Variants in TLNRD1 observed in about 807,000 individuals in gnomAD.
TLNRD1 encodes talin rod domain-containing protein 1.
In TLNRD1, 14 loss-of-function variants were observed where a neutral mutation model predicts 19.5. The ratio of observed to expected loss-of-function variants is 0.72; its 90% CI spans 0.47 to 1.12. TLNRD1 has a LOEUF of 1.12. Among genes scored for constraint, TLNRD1 ranks in the 50% most tolerant of loss-of-function variants. TLNRD1 has a pLI of 0.00. For synonymous variants in TLNRD1, 345 were observed against 261.7 expected (o/e 1.32, Z -3.07); for missense variants, 569 against 531.9 (o/e 1.07, Z -0.69).
At position 81,002,527 on chromosome 15, in the gene TLNRD1, A is replaced by G. The variant is rs759882211; in HGVS notation, c.256A>G (p.Thr86Ala). The G allele has an allele frequency of 2.0e-6, 3 of 1,465,114 alleles. No homozygotes were observed. The highest frequency in any genetic ancestry group is 2.7e-6 in the Non-Finnish European group (3 of 1,112,522). The allele number at this position is 1,465,114 out of a possible 1,614,324, so 90.8% of individuals were successfully genotyped here. ...GTGCCGGGACACCATCATCGCGCGC[A>G]CCAAGGGGCTCTCCATCCTCACCCA... is the stretch of plus-strand genomic sequence containing the variant. ...EQCRDTIIAR[T>A]KGLSILTHDV... Residue 86 changes from threonine (T) to alanine (A), a missense_variant, in exon 1 of 1, where the codon ACC (threonine) becomes GCC (alanine). Coordinates refer to ENST00000267984, the MANE Select transcript of TLNRD1 (RefSeq NM_022566.3).
In TLNRD1 at chr15:81,003,278, GCTGCACC is replaced by G. The variant is rs1355974971; in HGVS notation, c.1012_1018del (p.Thr338TyrfsTer5). ...AACTCGGCCTGCGCCGTGTCTGAAG[GCTGCACC>G]CTGCTATCTCAGGCTTTAAGGGAGA... On this transcript the variant is annotated frameshift_variant, in exon 1 of 1. Coordinates refer to ENST00000267984, the MANE Select transcript of TLNRD1 (RefSeq NM_022566.3). LOFTEE classifies it high-confidence loss of function. 1 of 1,611,272 alleles carries G rather than the reference GCTGCACC, an allele frequency of 6.2e-7. No homozygotes were observed. Among genetic ancestry groups the G allele is most frequent in the South Asian group, 1.1e-5 (1 of 90,404 alleles).
At position 81,002,014 on chromosome 15, in the gene TLNRD1, G is replaced by C; in HGVS notation, c.-258G>C. On this transcript the variant is annotated 5_prime_UTR_variant, in exon 1 of 1. Transcript: ENST00000267984. ...ATGGTTCCTGCAAGCCCTCTAGGAG[G>C]CCGAAAGCTGCAGCCCCTCCCCTTG... is the stretch of plus-strand genomic sequence containing the variant. 3.6e-6 allele frequency: 1 copy of C among 277,372 alleles called. No homozygotes were observed. Among genetic ancestry groups the C allele is most frequent in the Non-Finnish European group, 6.7e-6 (1 of 149,880 alleles). 17.2% of individuals were successfully genotyped at this position (277,372 alleles called of 1,614,324 possible).
Position 81,002,950 on chromosome 15 carries a change from G to T in TLNRD1, c.679G>T (p.Ala227Ser). Residue 227 changes from alanine (A) to serine (S), a missense_variant, in exon 1 of 1, where the codon GCG becomes TCG. Transcript: ENST00000267984. ...GVKCMSTSAS[A>S]LLACVREVKV... ...CAAGTGCATGAGCACCAGCGCGTCG[G>T]CGCTGCTGGCCTGCGTGCGCGAGGT... 2 of 1,593,106 alleles carry T rather than the reference G, an allele frequency of 1.3e-6. No homozygotes were observed.
rs199614383 is a variant in TLNRD1 at position 81,002,452 on chromosome 15, C to T, written c.181C>T (p.Leu61Phe). Residue 61 changes from leucine (L) to phenylalanine (F), a missense_variant, in exon 1 of 1, where the codon CTC becomes TTC. Physicochemically the swap from Leu to Phe is conservative, Grantham distance 22. Coordinates refer to ENST00000267984, the MANE Select transcript of TLNRD1 (RefSeq NM_022566.3). ...GCTGTCGAGCGAGGCGCGGCCCGTG[C>T]TCTTCGAGGGCCCCGCCTCCTCTGG... is the stretch of plus-strand genomic sequence containing the variant. ...LLLSSEARPV[L>F]FEGPASSGAG... The T allele has an allele frequency of 6.4e-5, 99 of 1,536,644 alleles. No homozygotes were observed. In the East Asian group the frequency reaches 1.6e-3, roughly 25 times the overall value.
rs950303057 is a variant in TLNRD1, at chr15:81,004,824, T to G, written c.*1464T>G. On this transcript the variant is annotated 3_prime_UTR_variant, in exon 1 of 1. Transcript: ENST00000267984. ...GTTGAACCTAGTTAAATTCTGAATA[T>G]CTTCCCACTAAAAGCACAACAAATC... The G allele has an allele frequency of 3.6e-5, 6 of 167,052 alleles. No homozygotes were observed. Among genetic ancestry groups the G allele is most frequent in the African/African-American group, 1.4e-4 (6 of 41,448 alleles). The allele number at this position is 167,052 out of a possible 1,614,324, so 10.3% of individuals were successfully genotyped here. A position where few individuals can be genotyped will look rare whatever the true frequency, so the allele number is the denominator to read the frequency against.
rs2141826787 is a variant in TLNRD1, at chr15:81,002,415, T to C, written c.144T>C (p.Ala48=). 1 of 1,555,786 alleles carries C rather than the reference T, an allele frequency of 6.4e-7. No individual in the cohort carries two copies. The highest frequency in any genetic ancestry group is 8.6e-7 in the Non-Finnish European group (1 of 1,158,096). Reference sequence around the variant, plus strand: ...GCAAGGGCAAGATGCAGCTGGTGGCTGACCTGCTGCTGCTGTCGAGCGAGG... The same window carrying C: ...GCAAGGGCAAGATGCAGCTGGTGGCCGACCTGCTGCTGCTGTCGAGCGAGG... ...DHCKGKMQLV[A]DLLLLSSEAR... Residue 48 remains alanine, a synonymous_variant, in exon 1 of 1, where the codon GCT becomes GCC. Coordinates refer to ENST00000267984, the MANE Select transcript of TLNRD1 (RefSeq NM_022566.3).
In TLNRD1 at chr15:81,002,832, G is replaced by A; in HGVS notation, c.561G>A (p.Leu187=). 1 of 1,590,780 alleles carries A rather than the reference G, an allele frequency of 6.3e-7. No homozygotes were observed. The highest frequency in any genetic ancestry group is 1.1e-5 in the South Asian group (1 of 89,990). The change falls in exon 1 of 1, where the codon CTG becomes CTA. Residue 187 remains leucine (L), a synonymous_variant. Transcript: ENST00000267984. ...PQLLLEVSQG[L]SRNLKFLTDA... is the part of the protein sequence containing the mutation. ...TGCTGCTGGAGGTGTCGCAGGGCCT[G>A]TCGCGCAACCTCAAGTTCCTGACGG... is the stretch of plus-strand genomic sequence containing the variant.
At position 81,002,960 on chromosome 15, in the gene TLNRD1, C is replaced by G; in HGVS notation, c.689C>G (p.Ala230Gly). 6.3e-7 allele frequency: 1 copy of G among 1,587,858 alleles called. No individual in the cohort carries two copies. Among genetic ancestry groups the G allele is most frequent in the South Asian group, 1.1e-5 (1 of 89,726 alleles). ...AGCACCAGCGCGTCGGCGCTGCTGGCCTGCGTGCGCGAGGTGAAGGTGGCG... is the reference window on the plus strand; with the variant it reads ...AGCACCAGCGCGTCGGCGCTGCTGGGCTGCGTGCGCGAGGTGAAGGTGGCG... ...CMSTSASALL[A>G]CVREVKVAPS... The change falls in exon 1 of 1, where the codon GCC (alanine) becomes GGC (glycine). Residue 230 changes from alanine (A) to glycine (G), a missense_variant. Physicochemically the swap from Ala to Gly is moderately conservative, Grantham distance 60. Coordinates refer to ENST00000267984, the MANE Select transcript of TLNRD1 (RefSeq NM_022566.3).
rs151231136 is a variant in TLNRD1, at chr15:81,002,943, C to T, written c.672C>T (p.Ser224=). The part of the protein sequence containing the change: ...FKLGVKCMST[S]ASALLACVRE... ...TGGGCGTCAAGTGCATGAGCACCAG[C>T]GCGTCGGCGCTGCTGGCCTGCGTGC... The change falls in exon 1 of 1, where the codon AGC becomes AGT. Residue 224 remains serine (S), a synonymous_variant. Coordinates refer to ENST00000267984, the MANE Select transcript of TLNRD1 (RefSeq NM_022566.3). The T allele has an allele frequency of 2.6e-4, 422 of 1,594,128 alleles. No individual in the cohort carries two copies. Among genetic ancestry groups the T allele is most frequent in the Admixed American group, 5.5e-4 (33 of 59,576 alleles).
chr15:81,002,016 C>A lies in TLNRD1; in HGVS notation c.-256C>A, dbSNP rs185291823. The A allele has an allele frequency of 2.5e-5, 7 of 281,030 alleles. No individual in the cohort carries two copies. Among genetic ancestry groups the A allele is most frequent in the Non-Finnish European group, 3.3e-5 (5 of 152,518 alleles). 17.4% of individuals were successfully genotyped at this position (281,030 alleles called of 1,614,324 possible). ...GGTTCCTGCAAGCCCTCTAGGAGGC[C>A]GAAAGCTGCAGCCCCTCCCCTTGCC... is the stretch of plus-strand genomic sequence containing the variant. On this transcript the variant is annotated 5_prime_UTR_variant, in exon 1 of 1. Transcript: ENST00000267984.
rs1391226392 is a variant in TLNRD1 at position 81,002,470 on chromosome 15, T to G, written c.199T>G (p.Ser67Ala). ...GCCCGTGCTCTTCGAGGGCCCCGCC[T>G]CCTCTGGTGCCGGCGCCGAGTCCTT... ...ARPVLFEGPA[S>A]SGAGAESFEQ... Residue 67 changes from serine to alanine, a missense_variant, in exon 1 of 1, where the codon TCC (serine) becomes GCC (alanine). Ser to Ala is a moderately conservative substitution (Grantham distance 99). Coordinates refer to ENST00000267984, the MANE Select transcript of TLNRD1 (RefSeq NM_022566.3). 22 of 1,511,498 alleles carry G rather than the reference T, an allele frequency of 1.5e-5. 1 individual carries two copies. The Middle Eastern group carries it at 5.2e-4, about 36-fold the overall frequency. 93.6% of individuals were successfully genotyped at this position (1,511,498 alleles called of 1,614,324 possible).
In TLNRD1 at chr15:81,002,195, C is replaced by T. The variant is rs906503274; in HGVS notation, c.-77C>T. ...TTGGCCAGCTGAGTCGCGACGGCCG[C>T]CGGGGCGGCGGCAGTGGCCGCGGCA... On this transcript the variant is annotated 5_prime_UTR_variant, in exon 1 of 1. Transcript: ENST00000267984. The T allele has an allele frequency of 1.7e-6, 2 of 1,206,988 alleles. No homozygotes were observed. Among genetic ancestry groups the T allele is most frequent in the Non-Finnish European group, 2.1e-6 (2 of 972,192 alleles). The allele number at this position is 1,206,988 out of a possible 1,614,324, so 74.8% of individuals were successfully genotyped here. A position where few individuals can be genotyped will look rare whatever the true frequency, so the allele number is the denominator to read the frequency against.
In TLNRD1 at chr15:81,003,651, C is replaced by A. The variant is rs953610584; in HGVS notation, c.*291C>A. The A allele has an allele frequency of 1.2e-5, 4 of 338,746 alleles. No homozygotes were observed. The highest frequency in any genetic ancestry group is 2.2e-5 in the Non-Finnish European group (4 of 178,962). The allele number at this position is 338,746 out of a possible 1,614,324, so 21.0% of individuals were successfully genotyped here. On this transcript the variant is annotated 3_prime_UTR_variant, in exon 1 of 1. Coordinates refer to ENST00000267984, the MANE Select transcript of TLNRD1 (RefSeq NM_022566.3). ...TACCCCAGCCCGTCTTCCGGAATTT[C>A]TCAACTAAATTTCATTATTGGGCAG...
At position 81,002,364 on chromosome 15, in the gene TLNRD1, G is replaced by A; in HGVS notation, c.93G>A (p.Lys31=). ...AIGGASSQPR[K]RLVSVCDHCK... is the part of the protein sequence containing the mutation. The stretch of plus-strand genomic sequence containing the variant: ...GCGGGGCCAGCTCGCAGCCGCGGAA[G>A]AGGCTGGTATCCGTCTGCGACCACT... The change falls in exon 1 of 1, where the codon AAG becomes AAA. Residue 31 remains lysine, a synonymous_variant. Transcript: ENST00000267984. 2 of 1,466,818 alleles carry A rather than the reference G, an allele frequency of 1.4e-6. No homozygotes were observed. Among genetic ancestry groups the A allele is most frequent in the Non-Finnish European group, 1.8e-6 (2 of 1,107,802 alleles). 90.9% of individuals were successfully genotyped at this position (1,466,818 alleles called of 1,614,324 possible). A position where few individuals can be genotyped will look rare whatever the true frequency, so the allele number is the denominator to read the frequency against.
rs557223578 is a variant in TLNRD1 at position 81,005,502 on chromosome 15, G to T, written c.*2142G>T. ...AGGAACAAACGCTAAGTAAAATAAG[G>T]GCCAGAAATCTGTAAATTTGGTATT... On this transcript the variant is annotated 3_prime_UTR_variant, in exon 1 of 1. Coordinates refer to ENST00000267984, the MANE Select transcript of TLNRD1 (RefSeq NM_022566.3). The T allele has an allele frequency of 1.2e-5, 2 of 167,006 alleles. No individual in the cohort carries two copies. Among genetic ancestry groups the T allele is most frequent in the East Asian group, 3.9e-4 (2 of 5,190 alleles). The allele number at this position is 167,006 out of a possible 1,614,324, so 10.3% of individuals were successfully genotyped here. A position where few individuals can be genotyped will look rare whatever the true frequency, so the allele number is the denominator to read the frequency against.
In TLNRD1 at chr15:81,002,257, T is replaced by C; in HGVS notation, c.-15T>C. On this transcript the variant is annotated 5_prime_UTR_variant, in exon 1 of 1. Coordinates refer to ENST00000267984, the MANE Select transcript of TLNRD1 (RefSeq NM_022566.3). ...AGCGGGCTCCCCAGCGGCATGCCAG[T>C]GCCCCCCGGGCGCGATGGCTAGCGG... 7.9e-7 allele frequency: 1 copy of C among 1,264,830 alleles called. No individual in the cohort carries two copies. Among genetic ancestry groups the C allele is most frequent in the Non-Finnish European group, 9.9e-7 (1 of 1,005,262 alleles). 78.4% of individuals were successfully genotyped at this position (1,264,830 alleles called of 1,614,324 possible).
In TLNRD1 at chr15:81,003,579, G is replaced by A; in HGVS notation, c.*219G>A. 1 of 508,670 alleles carries A rather than the reference G, an allele frequency of 2.0e-6. No homozygotes were observed. Among genetic ancestry groups the A allele is most frequent in the Non-Finnish European group, 3.5e-6 (1 of 283,020 alleles). The allele number at this position is 508,670 out of a possible 1,614,324, so 31.5% of individuals were successfully genotyped here. A position where few individuals can be genotyped will look rare whatever the true frequency, so the allele number is the denominator to read the frequency against. On this transcript the variant is annotated 3_prime_UTR_variant, in exon 1 of 1. Transcript: ENST00000267984. ...TCTCCACCAGCCCCCATGCAGTAGG[G>A]ACTGGAAGATATGTCATCTGCTGGT...
In TLNRD1 at chr15:81,002,669, C is replaced by T. The variant is rs1342350387; in HGVS notation, c.398C>T (p.Ala133Val). The T allele has an allele frequency of 2.7e-6, 4 of 1,462,200 alleles. No individual in the cohort carries two copies. The East Asian group carries it at 7.7e-5, about 28-fold the overall frequency. The allele number at this position is 1,462,200 out of a possible 1,614,324, so 90.6% of individuals were successfully genotyped here. Residue 133 changes from alanine to valine, a missense_variant, in exon 1 of 1, where the codon GCC (alanine) becomes GTC (valine). Transcript: ENST00000267984. ...TECSAHAAYL[A>V]AVATPGAQPA... ...TGCTCGGCCCACGCGGCCTATCTGG[C>T]CGCTGTGGCCACGCCGGGCGCCCAG... is the stretch of plus-strand genomic sequence containing the variant.
rs561330733 is a variant in TLNRD1, at chr15:81,005,582, C to T, written c.*2222C>T. 2.4e-4 allele frequency: 40 copies of T among 166,828 alleles called. No homozygotes were observed. The highest frequency in any genetic ancestry group is 4.0e-4 in the Non-Finnish European group (27 of 68,068). The allele number at this position is 166,828 out of a possible 1,614,324, so 10.3% of individuals were successfully genotyped here. On this transcript the variant is annotated 3_prime_UTR_variant, in exon 1 of 1. Coordinates refer to ENST00000267984, the MANE Select transcript of TLNRD1 (RefSeq NM_022566.3). ...TTCCTGGACTCTTTCCTTGCAGAAG[C>T]GATTTTCAGGACAACTCAAGCCAAT...
Sources: allele counts gnomAD v4.1 joint callset, GRCh38; gene constraint gnomAD v4.1.1; transcripts MANE v1.5; gene names NCBI Gene and HGNC (gene_info 2026-07-23, HGNC 2026-07-21).